Variants in P2RY8 observed in about 807,000 individuals in gnomAD.
P2RY8 encodes the protein P2Y receptor family member 8.
In P2RY8, 6 loss-of-function variants were observed where a neutral mutation model predicts 10.0. The ratio of observed to expected loss-of-function variants is 0.60; its 90% CI spans 0.33 to 1.19. The LOEUF (loss-of-function observed/expected upper bound fraction) is 1.19, where lower values mean the gene tolerates loss of function less well. Among genes scored for constraint, P2RY8 ranks in the 50% most tolerant of loss-of-function variants. The pLI, the probability that P2RY8 is intolerant of heterozygous loss-of-function variation, is 0.04. For synonymous variants in P2RY8, 276 were observed against 252.5 expected (o/e 1.09, Z -0.88); for missense variants, 456 against 542.0 (o/e 0.84, Z 1.58).
chrX:1,492,665 G>A (rs2092064921), intron 1 of P2RY8, among the ~76,000 whole-genome samples: 1 of 152,060 alleles, frequency 6.6e-6, no homozygotes, highest in Non-Finnish European at 1.5e-5. Context: ...CAGCTAGCTC[G>A]ACTCAAGTTT....
chrX:1,524,433 CCATCCATT>C (rs1489877787), intron 1 of P2RY8, among the ~76,000 whole-genome samples: 1 of 140,376 alleles, frequency 7.1e-6, no homozygotes, highest in Non-Finnish European at 1.6e-5. Flanking sequence ...ATCCATCCAT[CCATCCATT>C]CATCCATCTA....
At chrX:1,514,348 C>G (rs1314533512) in intron 1 of P2RY8, among the ~76,000 whole-genome samples, 1 of 145,388 alleles carries the variant, frequency 6.9e-6, no homozygotes, top group Non-Finnish European at 1.5e-5. Context: ...TCCTTCCCTT[C>G]CCTTTTATTT....
chrX:1,519,361 C>G (rs1364063811), intron 1 of P2RY8, among the ~76,000 whole-genome samples: 1 of 150,334 alleles, frequency 6.7e-6, no homozygotes, highest in Non-Finnish European at 1.5e-5. Flanking sequence ...TTTCTGATTC[C>G]AATATTCTCT....
chrX:1,488,716 G>A (rs1366494145), intron 1 of P2RY8, among the ~76,000 whole-genome samples: 1 of 148,344 alleles, frequency 6.7e-6, no homozygotes, highest in Non-Finnish European at 1.5e-5. Flanking sequence ...CACCCAGGAT[G>A]GTCTTGGTAA....
intron 1 of P2RY8, among the ~76,000 whole-genome samples, chrX:1,491,229 GGAAT>G (rs1267255508): frequency 1.3e-5 from 2 of 149,962 alleles, no homozygotes; most frequent in Non-Finnish European, 1.5e-5. Flanking sequence ...AAATGTGGGG[GGAAT>G]GAATGAATGA....
At chrX:1,480,631 T>C (rs1260980412) in intron 1 of P2RY8, among the ~76,000 whole-genome samples, 2 of 151,320 alleles carry the variant, frequency 1.3e-5, no homozygotes, top group Non-Finnish European at 2.9e-5. Flanking sequence ...TGAGAACACA[T>C]GGACACAGGG....
chrX:1,524,597 T>TCCATCCATCCATCCATC (rs2092421645), intron 1 of P2RY8, among the ~76,000 whole-genome samples: 2 of 17,248 alleles, frequency 1.2e-4, no homozygotes, highest in East Asian at 2.8e-3. Flanking sequence ...ATCCATCCAT[T>TCCATCCATCCATCCATC]CATCCATCTA....
intron 1 of P2RY8, among the ~76,000 whole-genome samples, chrX:1,471,143 G>T (rs1477175007): frequency 2.0e-5 from 3 of 151,724 alleles, no homozygotes; most frequent in African/African-American, 7.3e-5. Context: ...GAGTAGCTGG[G>T]ACTACAGGCA....
At chrX:1,513,064 C>G (rs749532753) in intron 1 of P2RY8, among the ~76,000 whole-genome samples, 1 of 149,152 alleles carries the variant, frequency 6.7e-6, no homozygotes, top group African/African-American at 2.5e-5. Context: ...ATGTTCCCCT[C>G]CCTGTGTCTG....
intron 1 of P2RY8, among the ~76,000 whole-genome samples, chrX:1,473,483 G>T (rs1412259994): frequency 1.3e-5 from 2 of 149,486 alleles, no homozygotes; most frequent in African/African-American, 4.9e-5. Context: ...ATGTATGGAT[G>T]AGTAGGTGGA....
chrX:1,479,950 T>C (rs551844752), intron 1 of P2RY8, among the ~76,000 whole-genome samples: 3 of 152,314 alleles, frequency 2.0e-5, no homozygotes, highest in African/African-American at 7.2e-5. Context: ...ACAGCCAATC[T>C]GAGTGAGCCT....
At chrX:1,496,297 C>T (rs1288544649) in intron 1 of P2RY8, among the ~76,000 whole-genome samples, 1 of 152,116 alleles carries the variant, frequency 6.6e-6, no homozygotes, top group Admixed American at 6.6e-5. Context: ...GTCATGCTCC[C>T]CCGCCAGCTT....
intron 1 of P2RY8, among the ~76,000 whole-genome samples, chrX:1,493,132 C>CA (rs1569537340): frequency 6.6e-6 from 1 of 150,380 alleles, no homozygotes; most frequent in South Asian, 2.1e-4. Context: ...CTAAAAAATA[C>CA]AAAAAATTAG....
chrX:1,463,369 C>G lies in P2RY8; in HGVS notation c.*2110G>C, dbSNP rs2091614005. 1.3e-5 allele frequency: 3 copies of G among 232,728 alleles called. No individual in the cohort carries two copies. Among genetic ancestry groups the G allele is most frequent in the East Asian group, 6.0e-5 (1 of 16,534 alleles). The allele number at this position is 232,728 out of a possible 1,614,324, so 14.4% of individuals were successfully genotyped here. A position where few individuals can be genotyped will look rare whatever the true frequency, so the allele number is the denominator to read the frequency against. On this transcript the variant is annotated 3_prime_UTR_variant, in exon 2 of 2. Transcript: ENST00000381297. ...CATCCTCCAGTTCCCCCTGGAGGCT[C>G]TAGGGGAGGATCCTTCCTGCCTCTC...
At chrX:1,478,377 GAGGTTGT>G (rs1304252373) in intron 1 of P2RY8, among the ~76,000 whole-genome samples, 1 of 152,072 alleles carries the variant, frequency 6.6e-6, no homozygotes, top group Non-Finnish European at 1.5e-5. Context: ...AGATTGCAGA[GAGGTTGT>G]AGGGTGACAG....
rs779470589 is a variant in P2RY8 at position 1,529,764 on chromosome X, G to A, written c.-25+7157C>T. 2.6e-5 allele frequency among the ~76,000 whole-genome samples: 4 copies of A among 151,994 alleles called. No individual in the cohort carries two copies. In the South Asian group the frequency reaches 8.3e-4, roughly 32 times the overall value. On this transcript the variant is annotated intron_variant, in intron 1 of 1. Transcript: ENST00000381297. ...ATCTATTTATTTATTAATCTTCTCT[G>A]TCTGTCATCTATCTATACCTTTCTA...
intron 1 of P2RY8, among the ~76,000 whole-genome samples, chrX:1,493,445 G>A (rs62602993): frequency 0.29 from 27,340 of 94,786 alleles, 5,242 homozygotes; most frequent in Non-Finnish European, 0.36. Context: ...GGAAGGAGGA[G>A]GAAGGAGGAA....
intron 1 of P2RY8, among the ~76,000 whole-genome samples, chrX:1,496,436 TC>T: frequency 6.6e-6 from 1 of 152,276 alleles, no homozygotes; most frequent in East Asian, 1.9e-4. Context: ...CGGGTGCGAC[TC>T]CCTGGGATCC....
intron 1 of P2RY8, among the ~76,000 whole-genome samples, chrX:1,508,702 C>CATCCATCCATCATCCATCT (rs1224676271): frequency 1.2e-5 from 1 of 86,442 alleles, no homozygotes; most frequent in South Asian, 3.7e-4. Flanking sequence ...TCCATCCATC[C>CATCCATCCATCATCCATCT]ATTCTATCTA....
Sources: gnomAD v4.1 joint callset for allele counts (sites outside exome capture counted in the v4.1 genomes callset) on GRCh38, gnomAD v4.1.1 for gene constraint, MANE v1.5 for transcripts, NCBI Gene and HGNC (gene_info 2026-07-23, HGNC 2026-07-21) for gene names.